CAPZA2: variants seen among roughly 807,000 people sequenced by gnomAD.
CAPZA2 encodes capping actin protein of muscle Z-line subunit alpha 2, also known as F-actin-capping protein subunit alpha-2.
Under a neutral mutation model 44.0 loss-of-function variants are expected in CAPZA2, and 13 were observed. That is an observed-to-expected ratio of 0.30 (90% confidence interval 0.19 to 0.47). The LOEUF (loss-of-function observed/expected upper bound fraction) is 0.47. Among genes scored for constraint, CAPZA2 ranks in the 20% least tolerant of loss-of-function variants. The pLI is 1.00. For synonymous variants in CAPZA2, 94 were observed against 108.2 expected (o/e 0.87, Z 0.81); for missense variants, 244 against 338.6 (o/e 0.72, Z 2.19).
chr7:116,866,493 T>C (rs1796485848), intron 1 of CAPZA2, among the ~76,000 whole-genome samples: 1 of 152,184 alleles, frequency 6.6e-6, no homozygotes, highest in Non-Finnish European at 1.5e-5. Flanking sequence ...TTTTACATAG[T>C]TACAGAAACC....
chr7:116,864,906 G>A lies in CAPZA2; in HGVS notation c.39+2256G>A, dbSNP rs768316283. Among the ~76,000 whole-genome samples, 14 of 152,204 alleles carry A rather than the reference G, an allele frequency of 9.2e-5. No homozygotes were observed. In the East Asian group the frequency reaches 1.9e-3, roughly 21 times the overall value. On this transcript the variant is annotated intron_variant, in intron 1 of 9. Coordinates refer to ENST00000361183, the MANE Select transcript of CAPZA2 (RefSeq NM_006136.3). Reference sequence around the variant, plus strand: ...AATATTAAGTTTTGAATACTTTTAAGTTTTTGAAATTTCCATTCTAGATTG... The same window carrying A: ...AATATTAAGTTTTGAATACTTTTAAATTTTTGAAATTTCCATTCTAGATTG...
intron 2 of CAPZA2, chr7:116,888,428 A>G (rs914439459): frequency 5.2e-6 from 2 of 388,270 alleles, no homozygotes; most frequent in Non-Finnish European, 9.1e-6. Context: ...TATTCATATC[A>G]CTGACTAGAA....
rs1791750670 is a variant in CAPZA2, at chr7:116,920,261, T to C, written c.*2394T>C. The C allele has an allele frequency of 6.8e-6, 1 of 146,800 alleles. No homozygotes were observed. Among genetic ancestry groups the C allele is most frequent in the Non-Finnish European group, 1.5e-5 (1 of 66,104 alleles). 9.1% of individuals were successfully genotyped at this position (146,800 alleles called of 1,614,324 possible). The stretch of plus-strand genomic sequence containing the variant: ...CTCTGTCTCAAAATAATAATAATAA[T>C]AAAAGAATGGCATTTATTAAAGTGA... On this transcript the variant is annotated 3_prime_UTR_variant, in exon 10 of 10. Transcript: ENST00000361183.
chr7:116,901,480 G>C (rs1184152791), intron 4 of CAPZA2, among the ~76,000 whole-genome samples: 1 of 152,038 alleles, frequency 6.6e-6, no homozygotes, highest in Non-Finnish European at 1.5e-5. Context: ...ATGACACATA[G>C]AGGGGAACAA....
intron 4 of CAPZA2, among the ~76,000 whole-genome samples, chr7:116,899,795 C>A (rs1462019357): frequency 6.6e-6 from 1 of 150,594 alleles, no homozygotes; most frequent in Non-Finnish European, 1.5e-5. Context: ...TGTTAGATAG[C>A]CTCCAAAGTC....
At chr7:116,901,894 T>TGTGTGTGTGG (rs1797000414) in intron 4 of CAPZA2, among the ~76,000 whole-genome samples, 1 of 151,126 alleles carries the variant, frequency 6.6e-6, no homozygotes, top group African/African-American at 2.4e-5. Context: ...TGTGTGTGTG[T>TGTGTGTGTGG]GTGTGTGTGT....
chr7:116,870,542 A>G (rs975166689), intron 1 of CAPZA2, among the ~76,000 whole-genome samples: 1 of 152,212 alleles, frequency 6.6e-6, no homozygotes, highest in East Asian at 1.9e-4. Flanking sequence ...GCAGGTGGAC[A>G]TGCTGTGCGT....
intron 1 of CAPZA2, among the ~76,000 whole-genome samples, chr7:116,881,589 A>C (rs1472720211): frequency 6.6e-6 from 1 of 151,732 alleles, no homozygotes; most frequent in Non-Finnish European, 1.5e-5. Context: ...AATACAAAAA[A>C]TTAGCCGGGC....
chr7:116,910,350 C>T, intron 7 of CAPZA2, 39 bp downstream of exon 7: 1 of 958,718 alleles, frequency 1.0e-6, no homozygotes, highest in Non-Finnish European at 1.7e-6. Context: ...TTAGATGATT[C>T]TGAACAGAGA....
chr7:116,888,004 ACT>A (rs1446144107), intron 1 of CAPZA2, 121 bp from the exon 2 acceptor site: 1 of 641,972 alleles, frequency 1.6e-6, no homozygotes, highest in African/African-American at 1.8e-5. Context: ...AAAAAGTATC[ACT>A]GTATTTAAAA....
chr7:116,880,696 CTTTTTTTTTTTTTTTTTTTT>C (rs557434747), intron 1 of CAPZA2, among the ~76,000 whole-genome samples: 124 of 24,680 alleles, frequency 5.0e-3, no homozygotes, highest in African/African-American at 0.013. Flanking sequence ...TGTAACCTGC[CTTTTTTTTTTTTTTTTTTTT>C]TTTTTTTTTT....
chr7:116,909,036 T>C (rs376747943), intron 6 of CAPZA2, among the ~76,000 whole-genome samples: 1 of 152,172 alleles, frequency 6.6e-6, no homozygotes, highest in African/African-American at 2.4e-5. Context: ...CAGTTTAACA[T>C]CCCTAATTCA....
At chr7:116,913,317 T>C (rs1161999863) in intron 8 of CAPZA2, among the ~76,000 whole-genome samples, 1 of 152,224 alleles carries the variant, frequency 6.6e-6, no homozygotes, top group Non-Finnish European at 1.5e-5. Context: ...GAAATATTAA[T>C]AGAAACCATT....
chr7:116,915,010 G>A, intron 8 of CAPZA2, among the ~76,000 whole-genome samples: 1 of 152,124 alleles, frequency 6.6e-6, no homozygotes, highest in East Asian at 1.9e-4. Flanking sequence ...GGGTGCGGTG[G>A]CTCACGTCTG....
chr7:116,878,625 G>A (rs998592427), intron 1 of CAPZA2, among the ~76,000 whole-genome samples: 1 of 152,172 alleles, frequency 6.6e-6, no homozygotes, highest in Non-Finnish European at 1.5e-5. Flanking sequence ...TTTCTCTCCT[G>A]TGTTGCTATT....
intron 1 of CAPZA2, among the ~76,000 whole-genome samples, chr7:116,863,151 C>T (rs2115855289): frequency 6.6e-6 from 1 of 152,328 alleles, no homozygotes; most frequent in Middle Eastern, 3.4e-3. Context: ...TCACTTCTCC[C>T]TTCTACTTCC....
At chr7:116,896,688 G>A (rs1480499164) in intron 3 of CAPZA2, among the ~76,000 whole-genome samples, 1 of 152,084 alleles carries the variant, frequency 6.6e-6, no homozygotes, top group Non-Finnish European at 1.5e-5. Context: ...TTGATTGGGC[G>A]ACAGAATTCT....
Position 116,910,318 on chromosome 7 carries a change from A to G in CAPZA2, c.585+7A>G. ...TGGCATCTTGAAAATTCAGGTATGA[A>G]AAATAATTTGTTTACTGATCTTTAG... is the stretch of plus-strand genomic sequence containing the variant. On this transcript the variant is annotated splice_region_variant and intron_variant, in intron 7 of 9. Coordinates refer to ENST00000361183, the MANE Select transcript of CAPZA2 (RefSeq NM_006136.3). The G allele has an allele frequency of 7.0e-7, 1 of 1,436,152 alleles. No homozygotes were observed. The highest frequency in any genetic ancestry group is 9.8e-7 in the Non-Finnish European group (1 of 1,017,932). The allele number at this position is 1,436,152 out of a possible 1,614,324, so 89.0% of individuals were successfully genotyped here.
chr7:116,888,677 C>T (rs1354508314), intron 2 of CAPZA2: 1 of 129,714 alleles, frequency 7.7e-6, no homozygotes, highest in African/African-American at 2.9e-5. Context: ...CTTGTCTCTA[C>T]CAAAAAAAAA....
Sources: allele counts gnomAD v4.1 joint callset (sites outside exome capture counted in the v4.1 genomes callset), GRCh38; gene constraint gnomAD v4.1.1; transcripts MANE v1.5; gene names NCBI Gene and HGNC (gene_info 2026-07-23, HGNC 2026-07-21).